The following ITGAV variants were observed in gnomAD, a reference collection of about 807,000 sequenced individuals.
ITGAV encodes the protein integrin alpha-V.
A neutral mutation model predicts 143.8 loss-of-function variants in ITGAV; 76 were observed. The ratio of observed to expected loss-of-function variants is 0.53; its 90% confidence interval spans 0.44 to 0.64. The LOEUF is 0.64. Ranked by LOEUF, ITGAV falls within the 30% of genes least tolerant of loss-of-function variation. ITGAV has a pLI of 0.00. For missense variants in ITGAV, 1,193 were observed against 1,274.7 expected, an observed-to-expected ratio of 0.94 and a Z score of 0.98; for synonymous variants, 453 against 446.7, an observed-to-expected ratio of 1.01 and a Z score of -0.18.
intron 1 of ITGAV, among the ~76,000 whole-genome samples, chr2:186,598,262 G>A (rs1686800583): frequency 6.8e-6 from 1 of 147,770 alleles, no homozygotes; most frequent in African/African-American, 2.5e-5. Flanking sequence ...AAAAAAAATT[G>A]TATATGTAAT....
intron 21 of ITGAV, among the ~76,000 whole-genome samples, chr2:186,666,107 A>C (rs971221811): frequency 1.3e-5 from 2 of 152,222 alleles, no homozygotes; most frequent in Admixed American, 6.5e-5. Flanking sequence ...GGCAGAACCC[A>C]GGAAGTACTG....
At chr2:186,600,649 C>T (rs1209544365) in intron 1 of ITGAV, among the ~76,000 whole-genome samples, 2 of 145,822 alleles carry the variant, frequency 1.4e-5, no homozygotes, top group African/African-American at 5.1e-5. Context: ...GGAATGTAAG[C>T]TAAATTCCTC....
At chr2:186,668,185 C>CATACATACATATATATATAT (rs1553505648) in intron 24 of ITGAV, among the ~76,000 whole-genome samples, 1 of 19,076 alleles carries the variant, frequency 5.2e-5, no homozygotes, top group Admixed American at 1.3e-3. Flanking sequence ...TACATACATA[C>CATACATACATATATATATAT]ATATATATAT....
intron 21 of ITGAV, among the ~76,000 whole-genome samples, chr2:186,665,513 A>T (rs1294011749): frequency 2.6e-5 from 4 of 152,196 alleles, no homozygotes; most frequent in Non-Finnish European, 2.9e-5. Flanking sequence ...TTGCTATTTT[A>T]CACTGATGCC....
rs777070909 is a variant in ITGAV at position 186,590,361 on chromosome 2, G to C, written c.23G>C (p.Arg8Pro). Residue 8 changes from arginine (R) to proline (P), a missense_variant, in exon 1 of 30, where the codon CGG becomes CCG. Physicochemically the swap from Arg to Pro is moderately radical, Grantham distance 103. Transcript: ENST00000261023. The part of the protein sequence containing the change: MAFPPRR[R>P]LRLGPRGLPL... ...GCGATGGCTTTTCCGCCGCGGCGAC[G>C]GCTGCGCCTCGGTCCCCGCGGCCTC... The C allele has an allele frequency of 1.1e-5, 18 of 1,583,836 alleles. No homozygotes were observed. The South Asian group carries it at 1.8e-4, about 16-fold the overall frequency.
chr2:186,647,986 A>G (rs1688309229), intron 13 of ITGAV, among the ~76,000 whole-genome samples: 1 of 152,214 alleles, frequency 6.6e-6, no homozygotes, highest in Non-Finnish European at 1.5e-5. Flanking sequence ...ATATCTTTTC[A>G]ATGTTTTTCC....
intron 2 of ITGAV, among the ~76,000 whole-genome samples, chr2:186,603,330 A>G (rs1686966082): frequency 6.6e-6 from 1 of 152,218 alleles, no homozygotes; most frequent in Non-Finnish European, 1.5e-5. Flanking sequence ...GATTCTGGGA[A>G]ATATGTCAGT....
Position 186,590,258 on chromosome 2 carries a change from G to C in ITGAV, c.-81G>C. 8.1e-7 allele frequency: 1 copy of C among 1,234,494 alleles called. No individual in the cohort carries two copies. Among genetic ancestry groups the C allele is most frequent in the African/African-American group, 1.6e-5 (1 of 62,534 alleles). 76.5% of individuals were successfully genotyped at this position (1,234,494 alleles called of 1,614,324 possible). On this transcript the variant is annotated 5_prime_UTR_variant, in exon 1 of 30. Coordinates refer to ENST00000261023, the MANE Select transcript of ITGAV (RefSeq NM_002210.5). Reference sequence around the variant, plus strand: ...CAAGTTTGGGCGCGCGCAGGCGGCGGGCCGCGGGCACTGGGCGCCTCGCTG... The same window carrying C: ...CAAGTTTGGGCGCGCGCAGGCGGCGCGCCGCGGGCACTGGGCGCCTCGCTG...
chr2:186,637,648 C>T (rs1462097118), intron 8 of ITGAV, among the ~76,000 whole-genome samples: 1 of 152,194 alleles, frequency 6.6e-6, no homozygotes, highest in Non-Finnish European at 1.5e-5. Flanking sequence ...GACAGCTACA[C>T]TTGGCTTCAG....
intron 26 of ITGAV, among the ~76,000 whole-genome samples, chr2:186,673,363 T>A (rs1574505789): frequency 6.6e-6 from 1 of 152,158 alleles, no homozygotes; most frequent in African/African-American, 2.4e-5. Flanking sequence ...ATGAATACAT[T>A]TTATTCCTTT....
chr2:186,649,943 T>A lies in ITGAV; in HGVS notation c.1397+58T>A, dbSNP rs184385378. ...TATTCTGAATTATTTGAACGTTTTT[T>A]AATTAAGTGTCAGTGTTTGAATTTT... On this transcript the variant is annotated intron_variant, in intron 14 of 29. Coordinates refer to ENST00000261023, the MANE Select transcript of ITGAV (RefSeq NM_002210.5). 1.4e-5 allele frequency: 16 copies of A among 1,110,902 alleles called. No homozygotes were observed. The Admixed American group carries it at 1.5e-4, about 11-fold the overall frequency. 68.8% of individuals were successfully genotyped at this position (1,110,902 alleles called of 1,614,324 possible).
chr2:186,629,665 G>C (rs1030945059), intron 4 of ITGAV, among the ~76,000 whole-genome samples: 1 of 151,984 alleles, frequency 6.6e-6, no homozygotes, highest in African/African-American at 2.4e-5. Flanking sequence ...TTTCTGATGG[G>C]ATTATTTAGC....
At chr2:186,598,294 T>TACACACACACACAC (rs56789925) in intron 1 of ITGAV, among the ~76,000 whole-genome samples, 49 of 147,968 alleles carry the variant, frequency 3.3e-4, no homozygotes, top group African/African-American at 4.3e-4. Flanking sequence ...TTATAATTTA[T>TACACACACACACAC]ACACACACAC....
chr2:186,676,964 G>C lies in ITGAV; in HGVS notation c.3051+29G>C, dbSNP rs201095019. 15 of 1,605,488 alleles carry C rather than the reference G, an allele frequency of 9.3e-6. No individual in the cohort carries two copies. In the Admixed American group the frequency reaches 2.5e-4, roughly 27 times the overall value. ...AGTAACGGACTTAGAAAGAAGGAGAGAGGGAAAGCAGAAGAAAAGGGAAAG... is the reference window on the plus strand; with the variant it reads ...AGTAACGGACTTAGAAAGAAGGAGACAGGGAAAGCAGAAGAAAAGGGAAAG... On this transcript the variant is annotated intron_variant, in intron 29 of 29. Transcript: ENST00000261023.
At chr2:186,630,616 A>G (rs941850418) in intron 4 of ITGAV, among the ~76,000 whole-genome samples, 181 bp from the exon 5 acceptor site, 2 of 151,948 alleles carry the variant, frequency 1.3e-5, no homozygotes, top group South Asian at 4.1e-4. Flanking sequence ...TATCTGAGTA[A>G]ATGGTGCTGA....
chr2:186,651,880 G>T (rs1574491589), intron 14 of ITGAV, 102 bp from the exon 15 acceptor site: 1 of 611,688 alleles, frequency 1.6e-6, no homozygotes, highest in East Asian at 2.9e-5. Flanking sequence ...GCTTTTAGTA[G>T]ACATGGTACT....
rs184114187 is a variant in ITGAV at position 186,637,092 on chromosome 2, A to G, written c.785A>G (p.Asn262Ser). The stretch of plus-strand genomic sequence containing the variant: ...TATTCTGTGGCTGTCGGAGATTTCA[A>G]TGGTGATGGCATAGATGGTATGAAG... The part of the protein sequence containing the change: ...LGYSVAVGDF[N>S]GDGIDDFVSG... The change falls in exon 8 of 30, where the codon AAT (asparagine) becomes AGT (serine). Residue 262 changes from asparagine (N) to serine (S), a missense_variant. By Grantham distance (46) the Asn-to-Ser change is conservative (BLOSUM62 1). Transcript: ENST00000261023. The G allele has an allele frequency of 2.4e-4, 388 of 1,613,140 alleles. No homozygotes were observed. The highest frequency in any genetic ancestry group is 2.8e-4 in the Non-Finnish European group (335 of 1,179,186).
In ITGAV at chr2:186,648,313, G is replaced by A. The variant is rs1688318209; in HGVS notation, c.1351+1436G>A. Among the ~76,000 whole-genome samples, 2 of 152,156 alleles carry A rather than the reference G, an allele frequency of 1.3e-5. 1 individual carries two copies. Among genetic ancestry groups the A allele is most frequent in the South Asian group, 4.1e-4 (2 of 4,822 alleles). ...AAGTTACCATCCCACTCCCTCCACAGGAAGGTTTTTGTCAACTTTTTAAAG... is the reference window on the plus strand; with the variant it reads ...AAGTTACCATCCCACTCCCTCCACAAGAAGGTTTTTGTCAACTTTTTAAAG... On this transcript the variant is annotated intron_variant, in intron 13 of 29. Transcript: ENST00000261023.
chr2:186,670,168 A>G (rs1689025582), intron 26 of ITGAV, among the ~76,000 whole-genome samples: 2 of 152,220 alleles, frequency 1.3e-5, no homozygotes. Context: ...AATAATTAGC[A>G]CTTGATTAAC....
Sources: gnomAD v4.1 joint callset for allele counts (sites outside exome capture counted in the v4.1 genomes callset) on GRCh38, gnomAD v4.1.1 for gene constraint, MANE v1.5 for transcripts, NCBI Gene and HGNC (gene_info 2026-07-23, HGNC 2026-07-21) for gene names.